The following CFAP69 variants were observed in gnomAD, a reference collection of about 807,000 sequenced individuals.
The protein encoded by CFAP69 is cilia- and flagella-associated protein 69.
Under a neutral mutation model 123.0 loss-of-function variants are expected in CFAP69, and 92 were observed. That is an observed-to-expected ratio of 0.75 (90% CI 0.63 to 0.89). CFAP69 has a LOEUF of 0.89. Among genes scored for constraint, CFAP69 ranks in the 40% least tolerant of loss-of-function variants. CFAP69 has a pLI of 0.00. For missense variants in CFAP69, 1,067 were observed against 1,096.9 expected, an observed-to-expected ratio of 0.97 and a Z score of 0.39; for synonymous variants, 380 against 364.3, an observed-to-expected ratio of 1.04 and a Z score of -0.49.
the CFAP69 span, among the ~76,000 whole-genome samples, chr7:90,323,567 A>C: frequency 6.6e-6 from 1 of 152,210 alleles, no homozygotes; most frequent in African/African-American, 2.4e-5. Flanking sequence ...CTCTTGAACC[A>C]GGGAGAAAAA....
chr7:90,314,864 TC>T (rs201987404), downstream of CFAP69, among the ~76,000 whole-genome samples: 9 of 149,628 alleles, frequency 6.0e-5, no homozygotes, highest in African/African-American at 1.7e-4. Context: ...ATGCTATCGC[TC>T]CCCCCCCTGC....
At chr7:90,254,847 G>A (rs1024280071) in intron 1 of CFAP69, among the ~76,000 whole-genome samples, 4 of 152,130 alleles carry the variant, frequency 2.6e-5, no homozygotes, top group Non-Finnish European at 5.9e-5. Flanking sequence ...GTGCAAGAGT[G>A]GAGTCGACGA....
At chr7:90,261,862 T>C in intron 3 of CFAP69, 85 bp from the exon 4 acceptor site, 1 of 681,438 alleles carries the variant, frequency 1.5e-6, no homozygotes. Context: ...TGGAATTCTA[T>C]AGACTTTCTT....
chr7:90,274,041 C>CCTGA lies in CFAP69; in HGVS notation c.916_917insTGAC (p.Arg306LeufsTer5). The stretch of plus-strand genomic sequence containing the variant: ...TTATGAGAGGTTTCAGTCATTATGA[C>CCTGA]CGTCAGCTTAGAAATGACATATTAG... On this transcript the variant is annotated frameshift_variant, in exon 9 of 23. Transcript: ENST00000389297. LOFTEE classifies it high-confidence loss of function. 6.2e-7 allele frequency: 1 copy of CCTGA among 1,605,784 alleles called. No homozygotes were observed. Among genetic ancestry groups the CCTGA allele is most frequent in the Non-Finnish European group, 8.5e-7 (1 of 1,176,534 alleles).
At chr7:90,246,457 C>G (rs888047651) in intron 1 of CFAP69, among the ~76,000 whole-genome samples, 2 of 152,226 alleles carry the variant, frequency 1.3e-5, no homozygotes, top group African/African-American at 4.8e-5. Context: ...CGTTCACATC[C>G]TGGAGCCTTG....
intron 15 of CFAP69, among the ~76,000 whole-genome samples, chr7:90,289,609 C>T (rs902309663): frequency 6.6e-6 from 1 of 152,092 alleles, no homozygotes; most frequent in Admixed American, 6.6e-5. Context: ...TTTTGTTGAA[C>T]AGATAGTCTT....
chr7:90,304,509 A>G, intron 18 of CFAP69: 1 of 1,284,442 alleles, frequency 7.8e-7, no homozygotes. Context: ...CACAGAAAGA[A>G]ATGATTCCTA....
At chr7:90,292,554 T>C (rs1791351521) in intron 15 of CFAP69, among the ~76,000 whole-genome samples, 1 of 152,180 alleles carries the variant, frequency 6.6e-6, no homozygotes, top group East Asian at 1.9e-4. Context: ...ATACCTATAT[T>C]GCCATAAATT....
chr7:90,310,303 C>T lies in CFAP69; in HGVS notation c.*65C>T, dbSNP rs546251444. On this transcript the variant is annotated 3_prime_UTR_variant, in exon 23 of 23. Coordinates refer to ENST00000389297, the MANE Select transcript of CFAP69 (RefSeq NM_001039706.3). The stretch of plus-strand genomic sequence containing the variant: ...TTTTTTAGCTGAATATATCTTTATA[C>T]ATATGTAAAGCCAATATTTTAGAAT... 20 of 1,068,672 alleles carry T rather than the reference C, an allele frequency of 1.9e-5. No homozygotes were observed. The African/African-American group carries it at 2.7e-4, about 15-fold the overall frequency. The allele number at this position is 1,068,672 out of a possible 1,614,324, so 66.2% of individuals were successfully genotyped here. A position where few individuals can be genotyped will look rare whatever the true frequency, so the allele number is the denominator to read the frequency against.
chr7:90,256,090 G>A (rs894047630), intron 2 of CFAP69, among the ~76,000 whole-genome samples: 1 of 152,074 alleles, frequency 6.6e-6, no homozygotes, highest in African/African-American at 2.4e-5. Flanking sequence ...TTTCCAAAAA[G>A]GAATACGTAT....
rs1303882668 is a variant in CFAP69 at position 90,307,105 on chromosome 7, T to C, written c.2463+7T>C. ...ACAAAAAGTATATGCAAAAGTAAGC[T>C]ACATAGGTAGTGAGGAGGGAGAATG... On this transcript the variant is annotated splice_region_variant and intron_variant, in intron 20 of 22. Transcript: ENST00000389297. The C allele has an allele frequency of 6.2e-7, 1 of 1,606,916 alleles. No individual in the cohort carries two copies. Among genetic ancestry groups the C allele is most frequent in the Admixed American group, 1.7e-5 (1 of 58,312 alleles).
chr7:90,268,420 G>A, intron 6 of CFAP69, 36 bp downstream of exon 6: 1 of 1,414,908 alleles, frequency 7.1e-7, no homozygotes, highest in South Asian at 1.2e-5. Flanking sequence ...GATAACTTGT[G>A]TATGTAGAAA....
chr7:90,245,218 T>G lies in CFAP69; in HGVS notation c.-207T>G. On this transcript the variant is annotated 5_prime_UTR_variant, in exon 1 of 23. Coordinates refer to ENST00000389297, the MANE Select transcript of CFAP69 (RefSeq NM_001039706.3). ...TTAACAACCGGCCCGGGATCAGAGG[T>G]CTGGGTCAACTGGGGGGCGGCAGCG... The G allele has an allele frequency of 1.9e-6, 1 of 539,216 alleles. No individual in the cohort carries two copies. The highest frequency in any genetic ancestry group is 2.9e-6 in the Non-Finnish European group (1 of 339,382). 33.4% of individuals were successfully genotyped at this position (539,216 alleles called of 1,614,324 possible). A position where few individuals can be genotyped will look rare whatever the true frequency, so the allele number is the denominator to read the frequency against.
chr7:90,293,003 T>C (rs1791434197), intron 15 of CFAP69, among the ~76,000 whole-genome samples: 1 of 152,132 alleles, frequency 6.6e-6, no homozygotes, highest in Non-Finnish European at 1.5e-5. Context: ...GTCAAAAACA[T>C]GATTGACAAA....
chr7:90,262,828 A>G (rs943523759), intron 4 of CFAP69, among the ~76,000 whole-genome samples: 3 of 151,978 alleles, frequency 2.0e-5, no homozygotes, highest in African/African-American at 7.2e-5. Flanking sequence ...TTATGCATAC[A>G]TGATAGGTTC....
At chr7:90,246,792 G>A (rs1796386571) in intron 1 of CFAP69, among the ~76,000 whole-genome samples, 1 of 150,830 alleles carries the variant, frequency 6.6e-6, no homozygotes, top group South Asian at 2.1e-4. Flanking sequence ...ATTGGGCAAC[G>A]TTATACAAGG....
chr7:90,270,825 C>G (rs1022464924), intron 6 of CFAP69, among the ~76,000 whole-genome samples: 1 of 152,056 alleles, frequency 6.6e-6, no homozygotes, highest in African/African-American at 2.4e-5. Context: ...ATACCTGCAT[C>G]AAAAGGAGAG....
intron 12 of CFAP69, among the ~76,000 whole-genome samples, chr7:90,281,756 C>G (rs1179728466): frequency 6.6e-6 from 1 of 152,096 alleles, no homozygotes; most frequent in East Asian, 1.9e-4. Flanking sequence ...AAGATCGATG[C>G]ATTTAACTAC....
intron 13 of CFAP69, among the ~76,000 whole-genome samples, chr7:90,285,198 A>G (rs1221819165): frequency 6.6e-6 from 1 of 152,070 alleles, no homozygotes; most frequent in Non-Finnish European, 1.5e-5. Flanking sequence ...CCCTCTGTCC[A>G]TGGCATACCC....
Sources: gnomAD v4.1 joint callset for allele counts (sites outside exome capture counted in the v4.1 genomes callset) on GRCh38, gnomAD v4.1.1 for gene constraint, MANE v1.5 for transcripts, NCBI Gene and HGNC (gene_info 2026-07-23, HGNC 2026-07-21) for gene names.